The following DGKG variants were observed in gnomAD, a reference collection of about 807,000 sequenced individuals.
The protein encoded by DGKG is DAG kinase gamma.
Under a neutral mutation model 105.3 loss-of-function variants are expected in DGKG, and 78 were observed. That is an observed-to-expected ratio of 0.74 (90% CI 0.62 to 0.89). The LOEUF (loss-of-function observed/expected upper bound fraction) is 0.89. DGKG is among the 40% of genes least tolerant of loss of function. The probability of loss-of-function intolerance (pLI) is 0.00; values close to 1 mark genes in which losing one functional copy is unlikely to be tolerated. For synonymous variants in DGKG, 346 were observed against 367.1 expected (o/e 0.94, Z 0.66); for missense variants, 958 against 1,020.1 (o/e 0.94, Z 0.83).
At chr3:186,355,178 A>G (rs1726849603) in intron 1 of DGKG, among the ~76,000 whole-genome samples, 1 of 137,874 alleles carries the variant, frequency 7.3e-6, no homozygotes, top group Non-Finnish European at 1.6e-5. Flanking sequence ...CCCCACAACT[A>G]TCACCACCAC....
intron 24 of DGKG, among the ~76,000 whole-genome samples, chr3:186,150,539 A>T (rs1324808498): frequency 2.0e-5 from 3 of 152,154 alleles, no homozygotes; most frequent in Non-Finnish European, 4.4e-5. Flanking sequence ...CCATTAGAGT[A>T]GCCTAAGTTC....
chr3:186,304,652 G>A (rs1414704498), intron 3 of DGKG, among the ~76,000 whole-genome samples: 1 of 152,186 alleles, frequency 6.6e-6, no homozygotes, highest in Non-Finnish European at 1.5e-5. Flanking sequence ...GATGGAAGAG[G>A]GATAATAATA....
In DGKG at chr3:186,284,100, G is replaced by A. The variant is rs1480252115; in HGVS notation, c.594+560C>T. 6.6e-6 allele frequency among the ~76,000 whole-genome samples: 1 copy of A among 152,168 alleles called. No homozygotes were observed. Among genetic ancestry groups the A allele is most frequent in the Admixed American group, 6.5e-5 (1 of 15,272 alleles). On this transcript the variant is annotated intron_variant, in intron 7 of 24. Coordinates refer to ENST00000265022, the MANE Select transcript of DGKG (RefSeq NM_001346.3). This position sits in a 1 kb window ranked among gnomAD's most constrained non-coding sequence, Gnocchi z 4.0. ...TCTCAGGCTTTCTCAGGTGCAATGGGATGGGAACATGTACTTAGAGCAGAC... is the reference window on the plus strand; with the variant it reads ...TCTCAGGCTTTCTCAGGTGCAATGGAATGGGAACATGTACTTAGAGCAGAC...
intron 23 of DGKG, among the ~76,000 whole-genome samples, chr3:186,161,925 G>A (rs1407705154): frequency 2.0e-5 from 3 of 152,016 alleles, no homozygotes; most frequent in Non-Finnish European, 2.9e-5. Context: ...ATGGAGTTCC[G>A]CTCTTGTTGC....
At chr3:186,181,236 C>T (rs763493087) in intron 22 of DGKG, among the ~76,000 whole-genome samples, 10 of 152,286 alleles carry the variant, frequency 6.6e-5, no homozygotes, top group South Asian at 2.1e-4. Flanking sequence ...TTTTGTTCAC[C>T]GTTGTACCAT....
intron 21 of DGKG, among the ~76,000 whole-genome samples, chr3:186,193,082 G>A (rs73054185): frequency 3.3e-5 from 5 of 152,242 alleles, no homozygotes; most frequent in African/African-American, 1.2e-4. Flanking sequence ...CCCTATTACC[G>A]CAGTGGGTCC....
In DGKG at chr3:186,298,086, G is replaced by C. The variant is rs758298025; in HGVS notation, c.288C>G (p.Ser96Arg). The change falls in exon 4 of 25, where the codon AGC (serine) becomes AGG (arginine). Residue 96 changes from serine to arginine, a missense_variant. By Grantham distance (110) the Ser-to-Arg change is moderately radical. This residue lies in a region of DGKG where 643 missense variants were observed against 619.5 expected (regional missense o/e 1.04). Coordinates refer to ENST00000265022, the MANE Select transcript of DGKG (RefSeq NM_001346.3). ...TACCTGCGCTGTTGGCCTCACTGTTGCTGGCTCCCTCCGTCGGGTGGTCAG... is the reference window on the plus strand; with the variant it reads ...TACCTGCGCTGTTGGCCTCACTGTTCCTGGCTCCCTCCGTCGGGTGGTCAG... ...ETSDHPTEGA[S>R]NSEANSADTN... 1.2e-6 allele frequency: 2 copies of C among 1,612,580 alleles called. No individual in the cohort carries two copies. The highest frequency in any genetic ancestry group is 1.7e-6 in the Non-Finnish European group (2 of 1,179,318).
chr3:186,309,006 G>C lies in DGKG; in HGVS notation c.68-2029C>G, dbSNP rs1234317752. On this transcript the variant is annotated intron_variant, in intron 2 of 24. Transcript: ENST00000265022. ...CAGGGTTGTAACTCAGGTCTAGTCT[G>C]GCTCAAAAGTGTATGGTCTTTTCCC... is the stretch of plus-strand genomic sequence containing the variant. 5.3e-5 allele frequency among the ~76,000 whole-genome samples: 8 copies of C among 152,184 alleles called. No homozygotes were observed. The East Asian group carries it at 1.5e-3, about 29-fold the overall frequency.
At chr3:186,265,524 G>A (rs1166988250) in intron 13 of DGKG, among the ~76,000 whole-genome samples, 5 of 152,174 alleles carry the variant, frequency 3.3e-5, no homozygotes, top group South Asian at 2.1e-4. Context: ...ATGACATCAC[G>A]GGCTGACTTT....
At chr3:186,212,593 A>T (rs900679067) in intron 20 of DGKG, among the ~76,000 whole-genome samples, 2 of 152,002 alleles carry the variant, frequency 1.3e-5, no homozygotes, top group Admixed American at 6.6e-5. Context: ...AGCTTTAAAA[A>T]TTTTCAGCAT....
At chr3:186,299,203 G>T (rs1723747105) in intron 3 of DGKG, among the ~76,000 whole-genome samples, 3 of 152,316 alleles carry the variant, frequency 2.0e-5, no homozygotes, top group Middle Eastern at 3.4e-3. Context: ...TCTGAGATCT[G>T]CTGTGCAGGC....
intron 3 of DGKG, among the ~76,000 whole-genome samples, chr3:186,303,416 G>T (rs909317938): frequency 2.6e-5 from 4 of 152,134 alleles, no homozygotes; most frequent in Non-Finnish European, 5.9e-5. Flanking sequence ...AATTAGCTGG[G>T]CAATTTGCTC....
rs761382559 is a variant in DGKG at position 186,261,749 on chromosome 3, G to T, written c.1299C>A (p.His433Gln). The T allele has an allele frequency of 6.2e-7, 1 of 1,607,652 alleles. No individual in the cohort carries two copies. Among genetic ancestry groups the T allele is most frequent in the Non-Finnish European group, 8.5e-7 (1 of 1,177,144 alleles). The stretch of plus-strand genomic sequence containing the variant: ...TGGGGTTCACCAAGACCAGCAGGGG[G>T]TGGGTACCCGGGGTGGGGATGATCT... ...QYKIIPTPGT[H>Q]PLLVLVNPKS... is the part of the protein sequence containing the mutation. The change falls in exon 15 of 25, where the codon CAC becomes CAA. Residue 433 changes from histidine to glutamine, a missense_variant. By Grantham distance (24) the His-to-Gln change is conservative. Transcript: ENST00000265022.
At chr3:186,289,536 G>T (rs1723223564) in intron 5 of DGKG, among the ~76,000 whole-genome samples, 1 of 152,092 alleles carries the variant, frequency 6.6e-6, no homozygotes, top group Non-Finnish European at 1.5e-5. Flanking sequence ...CTGTCCTGTG[G>T]TTCAGAAATA....
rs1722958634 is a variant in DGKG, at chr3:186,284,285, G to A, written c.594+375C>T. Reference sequence around the variant, plus strand: ...ACAGTAACCAGCAGCCTCCTTCCTCGTGCCCTTTTCCCTTGGTCTTGTTGC... The same window carrying A: ...ACAGTAACCAGCAGCCTCCTTCCTCATGCCCTTTTCCCTTGGTCTTGTTGC... On this transcript the variant is annotated intron_variant, in intron 7 of 24. Transcript: ENST00000265022. The surrounding 1 kb of genome is among the most constrained non-coding windows in gnomAD (Gnocchi z 4.0). Among the ~76,000 whole-genome samples, 1 of 152,166 alleles carries A rather than the reference G, an allele frequency of 6.6e-6. No homozygotes were observed. The highest frequency in any genetic ancestry group is 1.5e-5 in the Non-Finnish European group (1 of 68,002).
intron 21 of DGKG, among the ~76,000 whole-genome samples, chr3:186,206,752 G>T (rs28494778): frequency 1.7e-4 from 26 of 150,840 alleles, no homozygotes; most frequent in African/African-American, 5.7e-4. Flanking sequence ...CTTCTTTTTT[G>T]TTTTTTTGTT....
intron 1 of DGKG, among the ~76,000 whole-genome samples, chr3:186,340,193 C>A (rs897985784): frequency 6.6e-6 from 1 of 152,186 alleles, no homozygotes; most frequent in South Asian, 2.1e-4. Flanking sequence ...AAAGAAGATG[C>A]TTTTCAGTAC....
rs1715623800 is a variant in DGKG, at chr3:186,148,921, T to C, written c.*1169A>G. ...TCTGTCTCATACTACCTATGTTTTT[T>C]TTTTCCAATGAGGAAAAGTCCATCA... On this transcript the variant is annotated 3_prime_UTR_variant, in exon 25 of 25. Transcript: ENST00000265022. 2 of 978,882 alleles carry C rather than the reference T, an allele frequency of 2.0e-6. No homozygotes were observed. Among genetic ancestry groups the C allele is most frequent in the Admixed American group, 6.3e-5 (1 of 15,924 alleles). The allele number at this position is 978,882 out of a possible 1,614,324, so 60.6% of individuals were successfully genotyped here.
At chr3:186,295,722 C>G (rs1036802027) in intron 5 of DGKG, among the ~76,000 whole-genome samples, 2 of 148,420 alleles carry the variant, frequency 1.3e-5, no homozygotes, top group African/African-American at 5.0e-5. Context: ...AAAGAAAGCC[C>G]ATGAGAGACC....
Sources: gnomAD v4.1 joint callset for allele counts (sites outside exome capture counted in the v4.1 genomes callset) on GRCh38, gnomAD v4.1.1 for gene constraint, gnomAD v4.1.1 regional missense constraint, Gnocchi (gnomAD v3.1) non-coding constraint, MANE v1.5 for transcripts, NCBI Gene and HGNC (gene_info 2026-07-23, HGNC 2026-07-21) for gene names.